Variants in PACS2 observed in about 807,000 individuals in gnomAD.
The protein encoded by PACS2 is PACS1-like protein.
A neutral mutation model predicts 113.0 loss-of-function variants in PACS2; 36 were observed. The ratio of observed to expected loss-of-function variants is 0.32; its 90% CI spans 0.24 to 0.42. The LOEUF (loss-of-function observed/expected upper bound fraction) is 0.42, where lower values mean the gene tolerates loss of function less well. Among genes scored for constraint, PACS2 ranks in the 10% least tolerant of loss-of-function variants. The pLI is 1.00. For missense variants in PACS2, 1,015 were observed against 1,239.5 expected, an observed-to-expected ratio of 0.82 and a Z score of 2.72; for synonymous variants, 589 against 536.1, an observed-to-expected ratio of 1.10 and a Z score of -1.36.
Position 105,356,227 on chromosome 14 carries a change from C to T in PACS2, c.423+1050C>T, listed in dbSNP as rs1555405289. ...AGGTCAAGCGCTAGGTCCCCCAGAT[C>T]CTCACACACCCCCACTTACGCATCC... On this transcript the variant is annotated intron_variant, in intron 4 of 24. Transcript: ENST00000447393. The surrounding 1 kb of genome is among the most constrained non-coding windows in gnomAD (Gnocchi z 4.0). 6.6e-6 allele frequency among the ~76,000 whole-genome samples: 1 copy of T among 152,130 alleles called. No homozygotes were observed. The highest frequency in any genetic ancestry group is 2.4e-5 in the African/African-American group (1 of 41,430).
Position 105,380,258 on chromosome 14 carries a change from T to C in PACS2, c.1125+104T>C, listed in dbSNP as rs587633152. On this transcript the variant is annotated intron_variant, in intron 11 of 24. Transcript: ENST00000447393. ...GGCGGGGCCCACATATAGGTCCTCA[T>C]GTCACACCTGGTGTGCAGAGGTGGG... 9.8e-6 allele frequency: 9 copies of C among 919,394 alleles called. No individual in the cohort carries two copies. In the East Asian group the frequency reaches 2.4e-4, roughly 24 times the overall value. 57.0% of individuals were successfully genotyped at this position (919,394 alleles called of 1,614,324 possible).
Position 105,332,636 on chromosome 14 carries a change from C to G in PACS2, c.120-15857C>G, listed in dbSNP as rs587758031. 4.9e-3 allele frequency among the ~76,000 whole-genome samples: 739 copies of G among 152,260 alleles called. 7 individuals carry two copies. The highest frequency in any genetic ancestry group is 0.01 in the Admixed American group (155 of 15,296). On this transcript the variant is annotated intron_variant, in intron 1 of 24. Coordinates refer to ENST00000447393, the MANE Select transcript of PACS2 (RefSeq NM_001100913.3). ...ACCCACTTCTTCCCAAGTGGGAGCTCCCTCCTCGGGCACTGCATGGCTTCT... is the reference window on the plus strand; with the variant it reads ...ACCCACTTCTTCCCAAGTGGGAGCTGCCTCCTCGGGCACTGCATGGCTTCT...
At chr14:105,334,048 C>T (rs1028363961) in intron 1 of PACS2, among the ~76,000 whole-genome samples, 39 of 152,214 alleles carry the variant, frequency 2.6e-4, no homozygotes, top group African/African-American at 9.4e-4. Flanking sequence ...TGGGGGTGGT[C>T]GTGGGGTGTC....
At chr14:105,360,764 C>T (rs1386059894) in intron 4 of PACS2, among the ~76,000 whole-genome samples, 3 of 152,230 alleles carry the variant, frequency 2.0e-5, no homozygotes, top group African/African-American at 4.8e-5. Context: ...CTGTCGCATG[C>T]GGTGCTGTTT....
At position 105,324,689 on chromosome 14, in the gene PACS2, G is replaced by A. The variant is rs1488270623; in HGVS notation, c.119+9652G>A. 6.6e-6 allele frequency among the ~76,000 whole-genome samples: 1 copy of A among 152,180 alleles called. No individual in the cohort carries two copies. The highest frequency in any genetic ancestry group is 1.5e-5 in the Non-Finnish European group (1 of 68,010). On this transcript the variant is annotated intron_variant, in intron 1 of 24. Transcript: ENST00000447393. The surrounding 1 kb of genome is among the most constrained non-coding windows in gnomAD (Gnocchi z 4.7). ...CTGGGGTCGTCAGCAGCTCCTCGAG[G>A]GCTCCGGCCTGTGGAGGCCGGTGGC...
chr14:105,355,462 T>C lies in PACS2; in HGVS notation c.423+285T>C, dbSNP rs993461532. 2.0e-5 allele frequency among the ~76,000 whole-genome samples: 3 copies of C among 152,172 alleles called. No individual in the cohort carries two copies. The highest frequency in any genetic ancestry group is 4.4e-5 in the Non-Finnish European group (3 of 68,026). The stretch of plus-strand genomic sequence containing the variant: ...GTCCTGCCCTTCAGTGGAGGCTGGG[T>C]TTTGGGTCAGGCTGCTCTGGAGTCC... On this transcript the variant is annotated intron_variant, in intron 4 of 24. Transcript: ENST00000447393. This position sits in a 1 kb window ranked among gnomAD's most constrained non-coding sequence, Gnocchi z 4.1.
intron 20 of PACS2, chr14:105,390,828 C>T (rs782099451): frequency 6.2e-5 from 19 of 304,518 alleles, no homozygotes; most frequent in Non-Finnish European, 9.9e-5. Context: ...CTGGGATTCA[C>T]GGTAGATCTA....
chr14:105,391,006 ACT>A, intron 20 of PACS2, 199 bp from the exon 21 acceptor site: 1 of 606,852 alleles, frequency 1.6e-6, no homozygotes, highest in Non-Finnish European at 2.9e-6. Context: ...CACCCTGAGC[ACT>A]GTCTGTCCCC....
chr14:105,328,448 A>T (rs1200342821), intron 1 of PACS2, among the ~76,000 whole-genome samples: 2 of 152,166 alleles, frequency 1.3e-5, no homozygotes, highest in African/African-American at 4.8e-5. Flanking sequence ...TGTGAGTTGG[A>T]CACGGACGCT....
At chr14:105,306,126 T>C (rs1303662084) in intron 1 of PACS2, among the ~76,000 whole-genome samples, 1 of 152,158 alleles carries the variant, frequency 6.6e-6, no homozygotes, top group African/African-American at 2.4e-5. Context: ...TAATCTGAAC[T>C]GAACGTGCTC....
chr14:105,394,364 G>A lies in PACS2; in HGVS notation c.2597-190G>A, dbSNP rs1247099749. 5 of 985,180 alleles carry A rather than the reference G, an allele frequency of 5.1e-6. No individual in the cohort carries two copies. In the Admixed American group the frequency reaches 2.5e-4, roughly 48 times the overall value. The allele number at this position is 985,180 out of a possible 1,614,324, so 61.0% of individuals were successfully genotyped here. A position where few individuals can be genotyped will look rare whatever the true frequency, so the allele number is the denominator to read the frequency against. ...AGTGTGGAGGGCAGGGGCAGGAATG[G>A]CGTCCCTCAGGAGCCAGCATGGCCC... On this transcript the variant is annotated intron_variant, in intron 24 of 24. Transcript: ENST00000447393.
chr14:105,339,758 A>G (rs187110065), intron 1 of PACS2, among the ~76,000 whole-genome samples: 1 of 152,344 alleles, frequency 6.6e-6, no homozygotes, highest in African/African-American at 2.4e-5. Flanking sequence ...AATATTAACA[A>G]AAGCCAGAAG....
chr14:105,387,269 C>T lies in PACS2; in HGVS notation c.2033+1552C>T, dbSNP rs1230567538. ...AGCCCTCTCCAGCCAGGCTCCCCTGCGAGAGTCCCTCGTGAGGTGACTCCT... is the reference window on the plus strand; with the variant it reads ...AGCCCTCTCCAGCCAGGCTCCCCTGTGAGAGTCCCTCGTGAGGTGACTCCT... On this transcript the variant is annotated intron_variant, in intron 19 of 24. Coordinates refer to ENST00000447393, the MANE Select transcript of PACS2 (RefSeq NM_001100913.3). Among the ~76,000 whole-genome samples the T allele has an allele frequency of 9.2e-5, 14 of 152,346 alleles. No individual in the cohort carries two copies. In the South Asian group the frequency reaches 1.7e-3, roughly 18 times the overall value.
At position 105,381,108 on chromosome 14, in the gene PACS2, G is replaced by C. The variant is rs782619948; in HGVS notation, c.1268+9G>C. On this transcript the variant is annotated intron_variant, in intron 12 of 24. Coordinates refer to ENST00000447393, the MANE Select transcript of PACS2 (RefSeq NM_001100913.3). ...GTCATCCCCTCCACCAGGTGATGGG[G>C]GCTGCACGGCGGGGCGGGGCGGTGA... 3.1e-6 allele frequency: 5 copies of C among 1,609,172 alleles called. No homozygotes were observed. The highest frequency in any genetic ancestry group is 3.4e-6 in the Non-Finnish European group (4 of 1,177,728).
At chr14:105,384,626 C>T (rs899691966) in intron 17 of PACS2, among the ~76,000 whole-genome samples, 163 bp downstream of exon 17, 1 of 152,214 alleles carries the variant, frequency 6.6e-6, no homozygotes, top group Non-Finnish European at 1.5e-5. Context: ...CCTCCTATTC[C>T]CCTGAGCCTT....
In PACS2 at chr14:105,367,505, C is replaced by T. The variant is rs1382738754; in HGVS notation, c.586+130C>T. The T allele has an allele frequency of 4.5e-6, 4 of 880,148 alleles. No individual in the cohort carries two copies. The East Asian group carries it at 1.0e-4, about 22-fold the overall frequency. The allele number at this position is 880,148 out of a possible 1,614,324, so 54.5% of individuals were successfully genotyped here. A position where few individuals can be genotyped will look rare whatever the true frequency, so the allele number is the denominator to read the frequency against. On this transcript the variant is annotated intron_variant, in intron 5 of 24. Transcript: ENST00000447393. ...GGGGGTCCGGAGCACGTGTCAGTTG[C>T]TCTCCTGTCTGGAAGCCACAGCAGA...
At chr14:105,344,269 T>G (rs1187223184) in intron 1 of PACS2, among the ~76,000 whole-genome samples, 1 of 151,058 alleles carries the variant, frequency 6.6e-6, no homozygotes, top group African/African-American at 2.5e-5. Context: ...TTGTTTTGTT[T>G]TGTTTTTGGA....
Position 105,392,778 on chromosome 14 carries a change from C to T in PACS2, c.2415C>T (p.Ser805=). The T allele has an allele frequency of 6.2e-7, 1 of 1,611,318 alleles. No homozygotes were observed. The highest frequency in any genetic ancestry group is 8.5e-7 in the Non-Finnish European group (1 of 1,179,990). The change falls in exon 23 of 25, where the codon AGC becomes AGT. Residue 805 remains serine (S), a synonymous_variant. Coordinates refer to ENST00000447393, the MANE Select transcript of PACS2 (RefSeq NM_001100913.3). The part of the protein sequence containing the change: ...FRSLQVSRLP[S]SGEAAATPTM... ...CCCTCCAGGTCAGCAGGCTGCCCAG[C>T]AGCGGCGAGGCTGCAGCCACGCCCA...
chr14:105,374,002 A>G (rs1413199252), intron 8 of PACS2, among the ~76,000 whole-genome samples: 1 of 151,834 alleles, frequency 6.6e-6, no homozygotes, highest in Non-Finnish European at 1.5e-5. Flanking sequence ...AAATACAAAA[A>G]CAATTAGCCA....
Sources: allele counts gnomAD v4.1 joint callset (sites outside exome capture counted in the v4.1 genomes callset), GRCh38; gene constraint gnomAD v4.1.1; non-coding constraint Gnocchi (gnomAD v3.1); transcripts MANE v1.5; gene names NCBI Gene and HGNC (gene_info 2026-07-23, HGNC 2026-07-21).